The following WNT11 variants were observed in gnomAD, a reference collection of about 807,000 sequenced individuals.
The protein encoded by WNT11 is protein Wnt-11.
WNT11 carries 20 observed loss-of-function variants against 35.6 expected under a neutral mutation model. The observed-to-expected ratio is 0.56, with a 90% CI of 0.40 to 0.82. The LOEUF (loss-of-function observed/expected upper bound fraction) is 0.82, where lower values mean the gene tolerates loss of function less well. Ranked by LOEUF, WNT11 falls within the 40% of genes least tolerant of loss-of-function variation. The pLI, the probability that WNT11 is intolerant of heterozygous loss-of-function variation, is 0.00. For synonymous variants in WNT11, 200 were observed against 211.9 expected (o/e 0.94, Z 0.49); for missense variants, 459 against 504.4 (o/e 0.91, Z 0.86).
chr11:76,206,526 G>A, upstream of WNT11: 1 of 1,230,310 alleles, frequency 8.1e-7, no homozygotes, highest in Middle Eastern at 3.2e-4. Context: ...GGAGGCGGCG[G>A]GTTAAGGCGG....
At chr11:76,196,740 T>C (rs1290821268) in intron 1 of WNT11, 22 bp from the exon 2 acceptor site, 1 of 1,567,684 alleles carries the variant, frequency 6.4e-7, no homozygotes, top group Non-Finnish European at 8.7e-7. Context: ...GGAAAGGCCA[T>C]GACCGATGGA....
upstream of WNT11, chr11:76,206,635 G>C (rs530002667): frequency 2.7e-5 from 25 of 932,610 alleles, no homozygotes; most frequent in East Asian, 8.1e-4. Context: ...CCGCCCGGCC[G>C]GGGGACGCGT....
At position 76,187,014 on chromosome 11, in the gene WNT11, G is replaced by A; in HGVS notation, c.*51C>T. On this transcript the variant is annotated 3_prime_UTR_variant, in exon 5 of 5. Coordinates refer to ENST00000322563, the MANE Select transcript of WNT11 (RefSeq NM_004626.3). Reference sequence around the variant, plus strand: ...CTCCAGGCCCCTGGCCCCAGTTGCTGAGGGTCCTTGAGCAGAGTCCTCGCT... The same window carrying A: ...CTCCAGGCCCCTGGCCCCAGTTGCTAAGGGTCCTTGAGCAGAGTCCTCGCT... 1 of 1,601,730 alleles carries A rather than the reference G, an allele frequency of 6.2e-7. No individual in the cohort carries two copies. The highest frequency in any genetic ancestry group is 8.5e-7 in the Non-Finnish European group (1 of 1,179,310).
At chr11:76,207,507 G>A (rs1470851311), upstream of WNT11, among the ~76,000 whole-genome samples, 1 of 152,156 alleles carries the variant, frequency 6.6e-6, no homozygotes, top group Non-Finnish European at 1.5e-5. Context: ...GGAGCGGCAA[G>A]CCGGGTGTCC....
At chr11:76,199,111 C>T (rs1252892337) in intron 1 of WNT11, among the ~76,000 whole-genome samples, 5 of 151,436 alleles carry the variant, frequency 3.3e-5, no homozygotes, top group South Asian at 2.1e-4. Flanking sequence ...CCAGCCTGGG[C>T]GATAGAACGA....
At chr11:76,199,622 G>A (rs1443804028) in intron 1 of WNT11, among the ~76,000 whole-genome samples, 2 of 152,040 alleles carry the variant, frequency 1.3e-5, no homozygotes, top group Non-Finnish European at 2.9e-5. Flanking sequence ...GGCCAATATG[G>A]TGAAACCCCG....
intron 4 of WNT11, among the ~76,000 whole-genome samples, chr11:76,190,051 C>CA (rs5792712): frequency 0.33 from 47,421 of 143,518 alleles, 8,056 homozygotes; most frequent in Middle Eastern, 0.4. Context: ...CCTGAGGGCA[C>CA]GGGGGAGGGG....
intron 4 of WNT11, among the ~76,000 whole-genome samples, chr11:76,189,331 G>C (rs1329037515): frequency 6.6e-6 from 1 of 151,998 alleles, no homozygotes; most frequent in Non-Finnish European, 1.5e-5. Flanking sequence ...CTGGGACCAG[G>C]ATTGGGGCCA....
chr11:76,186,682 G>A lies in WNT11; in HGVS notation c.*383C>T, dbSNP rs191851630. On this transcript the variant is annotated 3_prime_UTR_variant, in exon 5 of 5. Coordinates refer to ENST00000322563, the MANE Select transcript of WNT11 (RefSeq NM_004626.3). Reference sequence around the variant, plus strand: ...AGGCTCAGACCCCAGGGTGGGCCAGGGGGTCCCGCAGAACATTCTGAAGAA... The same window carrying A: ...AGGCTCAGACCCCAGGGTGGGCCAGAGGGTCCCGCAGAACATTCTGAAGAA... 191 of 360,368 alleles carry A rather than the reference G, an allele frequency of 5.3e-4. 1 individual carries two copies. The highest frequency in any genetic ancestry group is 2.8e-3 in the Middle Eastern group (4 of 1,410). 22.3% of individuals were successfully genotyped at this position (360,368 alleles called of 1,614,324 possible).
chr11:76,188,566 C>G (rs1485404226), intron 4 of WNT11, among the ~76,000 whole-genome samples: 1 of 152,224 alleles, frequency 6.6e-6, no homozygotes, highest in African/African-American at 2.4e-5. Context: ...CAGCAGGGGG[C>G]TGGGGCACTG....
chr11:76,209,181 G>T (rs1953520436), upstream of WNT11, among the ~76,000 whole-genome samples: 1 of 152,306 alleles, frequency 6.6e-6, no homozygotes, highest in African/African-American at 2.4e-5. Flanking sequence ...GTAGTGGGCC[G>T]CGCCAGGCGT....
At chr11:76,207,140 T>A (rs995002001), upstream of WNT11, among the ~76,000 whole-genome samples, 6 of 151,936 alleles carry the variant, frequency 3.9e-5, no homozygotes, top group Non-Finnish European at 7.4e-5. Flanking sequence ...GGCGGGCGGG[T>A]CACCTGAGGT....
At chr11:76,190,368 T>A (rs1396931474) in intron 4 of WNT11, among the ~76,000 whole-genome samples, 1 of 152,138 alleles carries the variant, frequency 6.6e-6, no homozygotes, top group Non-Finnish European at 1.5e-5. Flanking sequence ...CAGCCCAGCC[T>A]CTGGCTCCTT....
chr11:76,206,648 C>G, upstream of WNT11: 2 of 867,700 alleles, frequency 2.3e-6, no homozygotes, highest in South Asian at 5.6e-5. Context: ...GGACGCGTCC[C>G]GCGCCTGGCT....
chr11:76,210,442 G>GGCTGCCC (rs1375701702), upstream of WNT11: 2 of 985,202 alleles, frequency 2.0e-6, no homozygotes, highest in Non-Finnish European at 2.4e-6. Context: ...CCCGCTGAGC[G>GGCTGCCC]GCTGCCCGCT....
At chr11:76,203,518 G>T (rs901073953) in intron 1 of WNT11, among the ~76,000 whole-genome samples, 6 of 152,236 alleles carry the variant, frequency 3.9e-5, no homozygotes, top group African/African-American at 7.2e-5. Context: ...AGCCAAGAAG[G>T]GGGTGGACAG....
intron 3 of WNT11, 121 bp from the exon 4 acceptor site, chr11:76,191,977 G>A (rs1953193065): frequency 8.0e-7 from 1 of 1,246,022 alleles, no homozygotes; most frequent in South Asian, 1.6e-5. Context: ...GCTGGAGTCT[G>A]AAGTGATAGA....
At chr11:76,200,749 G>A (rs532296579) in intron 1 of WNT11, among the ~76,000 whole-genome samples, 8 of 152,318 alleles carry the variant, frequency 5.3e-5, no homozygotes, top group Admixed American at 1.3e-4. Flanking sequence ...CTGCTCTGCC[G>A]CTTGCCCTCG....
At chr11:76,193,296 C>T (rs979078428) in intron 3 of WNT11, among the ~76,000 whole-genome samples, 2 of 152,256 alleles carry the variant, frequency 1.3e-5, no homozygotes, top group African/African-American at 4.8e-5. Flanking sequence ...GCCTCAGGGA[C>T]GGGCCTGATT....
Sources: gnomAD v4.1 joint callset for allele counts (sites outside exome capture counted in the v4.1 genomes callset) on GRCh38, gnomAD v4.1.1 for gene constraint, MANE v1.5 for transcripts, NCBI Gene and HGNC (gene_info 2026-07-23, HGNC 2026-07-21) for gene names.